Variants in MAP3K13 observed in about 807,000 individuals in gnomAD.
MAP3K13 encodes leucine zipper-bearing kinase.
In MAP3K13, 52 loss-of-function variants were observed where a neutral mutation model predicts 104.0. The ratio of observed to expected loss-of-function variants is 0.50; its 90% confidence interval spans 0.40 to 0.63. MAP3K13 has a LOEUF of 0.63. Among genes scored for constraint, MAP3K13 ranks in the 20% least tolerant of loss-of-function variants. The pLI is 0.00. For missense variants in MAP3K13, 914 were observed against 1,218.5 expected (o/e 0.75, Z 3.72); for synonymous variants, 394 against 442.2 (o/e 0.89, Z 1.37).
intron 3 of MAP3K13, among the ~76,000 whole-genome samples, chr3:185,438,680 G>C (rs1436836738): frequency 2.6e-5 from 4 of 152,170 alleles, no homozygotes. Context: ...TTAAAGGGTG[G>C]AAGTGCTGAG....
chr3:185,363,478 C>A, intron 1 of MAP3K13, 110 bp downstream of exon 1: 1 of 506,868 alleles, frequency 2.0e-6, no homozygotes, highest in Non-Finnish European at 2.5e-6. Context: ...GAGGGCGACA[C>A]CGTGAGAGAG....
At chr3:185,474,457 A>G (rs1717992042) in intron 11 of MAP3K13, among the ~76,000 whole-genome samples, 1 of 152,240 alleles carries the variant, frequency 6.6e-6, no homozygotes, top group African/African-American at 2.4e-5. Context: ...TAAGTTTAAG[A>G]AGCACAGTAT....
chr3:185,348,410 C>T (rs530984153), intron 2 of MAP3K13, among the ~76,000 whole-genome samples: 4 of 152,284 alleles, frequency 2.6e-5, no homozygotes, highest in African/African-American at 4.8e-5. Context: ...TCATTTTGCT[C>T]ATTTTGAAAT....
intron 2 of MAP3K13, among the ~76,000 whole-genome samples, chr3:185,346,772 G>A (rs1722939074): frequency 6.6e-6 from 1 of 152,106 alleles, no homozygotes; most frequent in South Asian, 2.1e-4. Context: ...TTAGCCATCA[G>A]CAGTGTATAA....
At chr3:185,449,217 CA>C (rs1314726952) in intron 5 of MAP3K13, among the ~76,000 whole-genome samples, 1 of 151,774 alleles carries the variant, frequency 6.6e-6, no homozygotes, top group Non-Finnish European at 1.5e-5. Flanking sequence ...ACTAAAAATA[CA>C]AAAAATTAGC....
At position 185,358,090 on chromosome 3, in the gene MAP3K13, A is replaced by T. The variant is rs569057598; in HGVS notation, c.-85-70407A>T. On this transcript the variant is annotated intron_variant, in intron 2 of 14. Coordinates refer to the MAP3K13 transcript ENST00000424227. ...GTTTGAAGTGCTTATCATAAAAAAGAATGTATATAATAAGGTTAACCATAG... is the reference window on the plus strand; with the variant it reads ...GTTTGAAGTGCTTATCATAAAAAAGTATGTATATAATAAGGTTAACCATAG... 7.9e-5 allele frequency among the ~76,000 whole-genome samples: 12 copies of T among 152,338 alleles called. No individual in the cohort carries two copies. In the South Asian group the frequency reaches 2.3e-3, roughly 29 times the overall value.
Position 185,426,488 on chromosome 3 carries a change from A to C in MAP3K13, c.-85-2009A>C, listed in dbSNP as rs75752212. Among the ~76,000 whole-genome samples the C allele has an allele frequency of 8.2e-3, 1,253 of 152,298 alleles. 14 individuals are homozygous for C. Among genetic ancestry groups the C allele is most frequent in the African/African-American group, 0.028 (1,172 of 41,558 alleles). ...AGTTATGAAGATAAGAAAATAATAA[A>C]ATTGAGAGGGTCTATTTTAATCCAT... is the stretch of plus-strand genomic sequence containing the variant. On this transcript the variant is annotated intron_variant, in intron 1 of 13. Coordinates refer to ENST00000265026, the MANE Select transcript of MAP3K13 (RefSeq NM_004721.5).
chr3:185,313,214 A>G (rs1046097193), intron 2 of MAP3K13, among the ~76,000 whole-genome samples: 13 of 151,972 alleles, frequency 8.6e-5, no homozygotes, highest in African/African-American at 2.9e-4. Flanking sequence ...AAAATGTAGA[A>G]TAAAACAAAT....
chr3:185,371,391 G>A (rs1328396550), intron 1 of MAP3K13, among the ~76,000 whole-genome samples: 1 of 152,214 alleles, frequency 6.6e-6, no homozygotes, highest in Non-Finnish European at 1.5e-5. Context: ...GCAATCATGT[G>A]TTGCAGGGCA....
At chr3:185,477,620 G>C (rs1560135721) in intron 12 of MAP3K13, among the ~76,000 whole-genome samples, 1 of 152,170 alleles carries the variant, frequency 6.6e-6, no homozygotes, top group African/African-American at 2.4e-5. Context: ...TCATGATGAG[G>C]AGCATGAATA....
chr3:185,314,626 TA>T (rs201937203), intron 2 of MAP3K13, among the ~76,000 whole-genome samples: 7 of 145,362 alleles, frequency 4.8e-5, no homozygotes, highest in African/African-American at 1.5e-4. Context: ...AAAAGAAAAG[TA>T]AAAAAAAAAG....
chr3:185,312,072 G>A (rs1414856806), intron 2 of MAP3K13, among the ~76,000 whole-genome samples: 3 of 152,254 alleles, frequency 2.0e-5, no homozygotes, highest in Non-Finnish European at 4.4e-5. Flanking sequence ...TATCATGAGT[G>A]ATTTCAGGAA....
At chr3:185,387,298 T>C (rs1440531699) in intron 1 of MAP3K13, among the ~76,000 whole-genome samples, 1 of 152,152 alleles carries the variant, frequency 6.6e-6, no homozygotes, top group Non-Finnish European at 1.5e-5. Flanking sequence ...GTTCTCACTC[T>C]ATTAGTGCCT....
At chr3:185,330,899 A>C (rs368205370) in intron 2 of MAP3K13, among the ~76,000 whole-genome samples, 25 of 152,126 alleles carry the variant, frequency 1.6e-4, no homozygotes, top group African/African-American at 6.0e-4. Context: ...TCTCTTGAAC[A>C]CATCAGACCT....
intron 2 of MAP3K13, among the ~76,000 whole-genome samples, chr3:185,357,317 G>A (rs756120385): frequency 1.3e-5 from 2 of 151,436 alleles, no homozygotes; most frequent in South Asian, 2.1e-4. Flanking sequence ...ATGTGGTGGC[G>A]GGCGCCTGTA....
At chr3:185,294,153 ATTTCT>A (rs1472513044) in intron 2 of MAP3K13, among the ~76,000 whole-genome samples, 1 of 152,140 alleles carries the variant, frequency 6.6e-6, no homozygotes, top group African/African-American at 2.4e-5. Flanking sequence ...AGAAAATGCC[ATTTCT>A]TTTCTTTCTC....
chr3:185,311,642 A>G (rs1287681110), intron 2 of MAP3K13, among the ~76,000 whole-genome samples: 1 of 152,004 alleles, frequency 6.6e-6, no homozygotes, highest in Admixed American at 6.6e-5. Flanking sequence ...GAGTCCCCCA[A>G]ATTGGTATGT....
At chr3:185,364,027 T>C (rs1207692535) in intron 1 of MAP3K13, among the ~76,000 whole-genome samples, 3 of 152,224 alleles carry the variant, frequency 2.0e-5, no homozygotes, top group Non-Finnish European at 1.5e-5. Context: ...GAATTATCCT[T>C]AAACTTGGGT....
At chr3:185,380,726 T>C (rs922189836) in intron 1 of MAP3K13, among the ~76,000 whole-genome samples, 2 of 152,146 alleles carry the variant, frequency 1.3e-5, no homozygotes, top group African/African-American at 4.8e-5. Context: ...AAACAAATTC[T>C]GATCGCTTGG....
Sources: allele counts gnomAD v4.1 joint callset (sites outside exome capture counted in the v4.1 genomes callset), GRCh38; gene constraint gnomAD v4.1.1; transcripts MANE v1.5; gene names NCBI Gene and HGNC (gene_info 2026-07-23, HGNC 2026-07-21).